The following TTC23L variants were observed in gnomAD, a reference collection of about 807,000 sequenced individuals.
The protein encoded by TTC23L is tetratricopeptide repeat domain 23 like.
Under a neutral mutation model 48.1 loss-of-function variants are expected in TTC23L, and 42 were observed. The ratio of observed to expected loss-of-function variants is 0.87; its 90% CI spans 0.68 to 1.13. The LOEUF (loss-of-function observed/expected upper bound fraction) is 1.13. TTC23L is among the 50% of genes most tolerant of loss of function. The pLI, the probability that TTC23L is intolerant of heterozygous loss-of-function variation, is 0.00. For synonymous variants in TTC23L, 159 were observed against 157.2 expected, an observed-to-expected ratio of 1.01 and a Z score of -0.09; for missense variants, 391 against 421.0, an observed-to-expected ratio of 0.93 and a Z score of 0.62.
intron 7 of TTC23L, 185 bp downstream of exon 7, chr5:34,867,254 C>T: frequency 1.5e-6 from 1 of 649,576 alleles, no homozygotes. Context: ...GGCCAGAGAA[C>T]ACTGACTCAG....
At chr5:34,861,938 G>A (rs940807290) in intron 4 of TTC23L, among the ~76,000 whole-genome samples, 1 of 152,104 alleles carries the variant, frequency 6.6e-6, no homozygotes, top group African/African-American at 2.4e-5. Flanking sequence ...AGGAACACCA[G>A]CAAAAAACAA....
rs147839374 is a variant in TTC23L, at chr5:34,847,626, G to T, written c.255+1953G>T. Among the ~76,000 whole-genome samples, 1,198 of 152,220 alleles carry T rather than the reference G, an allele frequency of 7.9e-3. 14 individuals are homozygous for T. The highest frequency in any genetic ancestry group is 0.025 in the African/African-American group (1,038 of 41,528). Reference sequence around the variant, plus strand: ...GTTTCTCCAAGTCAAGGAGTTCGAGGATGAATATACAATGTCCAGAGCCAA... The same window carrying T: ...GTTTCTCCAAGTCAAGGAGTTCGAGTATGAATATACAATGTCCAGAGCCAA... On this transcript the variant is annotated intron_variant, in intron 3 of 10. Transcript: ENST00000505624.
chr5:34,908,611 T>C, the TTC23L span: 4 of 595,402 alleles, frequency 6.7e-6, no homozygotes, highest in Admixed American at 3.3e-5. Flanking sequence ...TTACAAAACA[T>C]AGTAACTATT....
chr5:34,901,251 T>C (rs1006593076), downstream of TTC23L, among the ~76,000 whole-genome samples: 5 of 152,176 alleles, frequency 3.3e-5, no homozygotes, highest in Non-Finnish European at 5.9e-5. Context: ...AATGTATTTA[T>C]TGAAAAAAAT....
chr5:34,895,858 T>G (rs1763189751), intron 9 of TTC23L, among the ~76,000 whole-genome samples: 1 of 152,242 alleles, frequency 6.6e-6, no homozygotes, highest in African/African-American at 2.4e-5. Flanking sequence ...AAATGTATGT[T>G]CCATAAGCTG....
At chr5:34,900,058 T>A (rs1763462607), downstream of TTC23L, among the ~76,000 whole-genome samples, 1 of 152,234 alleles carries the variant, frequency 6.6e-6, no homozygotes, top group Admixed American at 6.5e-5. Flanking sequence ...TTCTGACTTT[T>A]TAAAAAATTC....
the TTC23L span, among the ~76,000 whole-genome samples, chr5:34,910,191 C>T: frequency 6.6e-6 from 1 of 152,126 alleles, no homozygotes; most frequent in Non-Finnish European, 1.5e-5. Flanking sequence ...CTCCTACCTC[C>T]CTACCACCAA....
At chr5:34,885,366 A>G (rs904505053) in intron 9 of TTC23L, among the ~76,000 whole-genome samples, 3 of 152,210 alleles carry the variant, frequency 2.0e-5, no homozygotes, top group Non-Finnish European at 2.9e-5. Flanking sequence ...ACGCTGTTGT[A>G]TTGATGTAAG....
At chr5:34,909,065 G>GA in the TTC23L span, 1 of 1,084,808 alleles carries the variant, frequency 9.2e-7, no homozygotes, top group Non-Finnish European at 1.3e-6. Context: ...TATCCAATTT[G>GA]CTAATATTTT....
At chr5:34,894,306 A>T (rs1763066123) in intron 9 of TTC23L, among the ~76,000 whole-genome samples, 1 of 152,186 alleles carries the variant, frequency 6.6e-6, no homozygotes, top group Admixed American at 6.5e-5. Flanking sequence ...ACCAGTAGAA[A>T]TACTAGTACA....
intron 9 of TTC23L, 141 bp downstream of exon 9, chr5:34,880,449 C>A: frequency 3.3e-6 from 3 of 907,006 alleles, no homozygotes; most frequent in East Asian, 5.5e-5. Flanking sequence ...TCATTCTTTG[C>A]TAGCATTAAC....
chr5:34,923,558 G>A, the TTC23L span, among the ~76,000 whole-genome samples: 14 of 152,232 alleles, frequency 9.2e-5, no homozygotes, highest in Admixed American at 3.3e-4. Flanking sequence ...GATTCCAGGC[G>A]TGAGCCACTA....
chr5:34,860,978 C>CT lies in TTC23L; in HGVS notation c.380-1910dup, dbSNP rs941107058. 7.4e-4 allele frequency: 112 copies of CT among 150,456 alleles called. 2 individuals carry two copies. In the South Asian group the frequency reaches 0.011, roughly 14 times the overall value. 9.3% of individuals were successfully genotyped at this position (150,456 alleles called of 1,614,324 possible). ...ACTGCACCCTGTCAGTATAGATGCC[C>CT]TTTTTTTTTTGAAACAGTCTCACTC... On this transcript the variant is annotated intron_variant, in intron 4 of 10. Coordinates refer to ENST00000505624, the Ensembl canonical transcript of TTC23L.
the TTC23L span, chr5:34,922,942 C>T: frequency 1.5e-6 from 2 of 1,296,672 alleles, no homozygotes; most frequent in Non-Finnish European, 2.2e-6. Flanking sequence ...AACAAATGAG[C>T]AAACAGTTTT....
At chr5:34,916,094 G>A in the TTC23L span, 1 of 573,444 alleles carries the variant, frequency 1.7e-6, no homozygotes, top group Non-Finnish European at 2.8e-6. Context: ...TCTTCCTGGA[G>A]GCGGCGGGTT....
intron 8 of TTC23L, among the ~76,000 whole-genome samples, chr5:34,875,451 A>C (rs1417662403): frequency 6.6e-6 from 1 of 152,120 alleles, no homozygotes; most frequent in Non-Finnish European, 1.5e-5. Flanking sequence ...TGGGGGTAGG[A>C]AGCATCCAGC....
intron 9 of TTC23L, among the ~76,000 whole-genome samples, chr5:34,896,302 G>A (rs1763221593): frequency 6.6e-6 from 1 of 152,196 alleles, no homozygotes; most frequent in Non-Finnish European, 1.5e-5. Context: ...TGAGGTTCCA[G>A]AGCAAAAGGC....
At chr5:34,889,499 T>A (rs957190595) in intron 9 of TTC23L, among the ~76,000 whole-genome samples, 24 of 152,140 alleles carry the variant, frequency 1.6e-4, no homozygotes, top group African/African-American at 5.1e-4. Context: ...GGAGAATACA[T>A]TGAGCCCTCC....
chr5:34,873,314 G>C (rs1761604410), intron 8 of TTC23L, among the ~76,000 whole-genome samples: 1 of 152,074 alleles, frequency 6.6e-6, no homozygotes, highest in African/African-American at 2.4e-5. Context: ...TGTATAAAAT[G>C]GTCATAACTA....
Sources: allele counts gnomAD v4.1 joint callset (sites outside exome capture counted in the v4.1 genomes callset), GRCh38; gene constraint gnomAD v4.1.1; transcripts MANE v1.5; gene names NCBI Gene and HGNC (gene_info 2026-07-23, HGNC 2026-07-21).